The following CCDC171 variants were observed in gnomAD, a reference collection of about 807,000 sequenced individuals.
CCDC171 encodes coiled-coil domain-containing protein 171.
Under a neutral mutation model 168.2 loss-of-function variants are expected in CCDC171, and 177 were observed. That is an observed-to-expected ratio of 1.05 (90% CI 0.93 to 1.19). The LOEUF (loss-of-function observed/expected upper bound fraction) is 1.19, where lower values mean the gene tolerates loss of function less well. CCDC171 is among the 50% of genes most tolerant of loss of function. CCDC171 has a pLI of 0.00. For synonymous variants in CCDC171, 687 were observed against 540.8 expected (o/e 1.27, Z -3.75); for missense variants, 1,991 against 1,539.0 (o/e 1.29, Z -4.91).
At chr9:15,928,820 T>A (rs976314180) in intron 25 of CCDC171, among the ~76,000 whole-genome samples, 2 of 151,650 alleles carry the variant, frequency 1.3e-5, no homozygotes, top group Non-Finnish European at 3.0e-5. Flanking sequence ...ATTTCCAAAC[T>A]TTTAAAGGTT....
At chr9:15,981,201 T>C (rs892796663) in intron 3 of CCDC171, among the ~76,000 whole-genome samples, 21 of 152,240 alleles carry the variant, frequency 1.4e-4, no homozygotes, top group Admixed American at 4.6e-4. Flanking sequence ...TGTGATAATA[T>C]TTTGATATAG....
At chr9:15,892,034 G>C (rs1820282567) in intron 24 of CCDC171, among the ~76,000 whole-genome samples, 3 of 152,026 alleles carry the variant, frequency 2.0e-5, no homozygotes, top group African/African-American at 7.2e-5. Context: ...GCTTTTAAAA[G>C]GAAATAATCT....
At chr9:15,567,222 A>G (rs184528930) in intron 2 of CCDC171, among the ~76,000 whole-genome samples, 101 of 152,130 alleles carry the variant, frequency 6.6e-4, no homozygotes, top group African/African-American at 2.3e-3. Context: ...GGGTTTCACA[A>G]TCTTGGGCAG....
intron 20 of CCDC171, 99 bp downstream of exon 20, chr9:15,779,249 A>C (rs759783563): frequency 2.7e-4 from 173 of 641,976 alleles, no homozygotes; most frequent in Non-Finnish European, 3.6e-4. Context: ...TGGTTTTTCA[A>C]ATAATTCAAA....
At chr9:15,713,457 T>G (rs1296839621) in intron 11 of CCDC171, among the ~76,000 whole-genome samples, 1 of 152,154 alleles carries the variant, frequency 6.6e-6, no homozygotes, top group African/African-American at 2.4e-5. Context: ...ATTTGTGCCT[T>G]CGGGACTTTT....
intron 1 of CCDC171, among the ~76,000 whole-genome samples, chr9:16,052,180 C>T (rs763849468): frequency 6.6e-6 from 1 of 152,192 alleles, no homozygotes; most frequent in Non-Finnish European, 1.5e-5. Flanking sequence ...GTTGGAGCCT[C>T]TCCATCCTTC....
intron 6 of CCDC171, among the ~76,000 whole-genome samples, chr9:16,031,605 G>A (rs1421523407): frequency 1.3e-5 from 2 of 152,216 alleles, no homozygotes; most frequent in Non-Finnish European, 2.9e-5. Context: ...GGGCTTTAGG[G>A]AAATCGAATG....
chr9:15,938,969 T>G (rs567109957), intron 25 of CCDC171, among the ~76,000 whole-genome samples: 43 of 151,908 alleles, frequency 2.8e-4, no homozygotes, highest in African/African-American at 9.4e-4. Flanking sequence ...TGATATATCA[T>G]TTTGTGGTGA....
At chr9:15,692,732 T>C (rs1239223965) in intron 10 of CCDC171, among the ~76,000 whole-genome samples, 1 of 151,748 alleles carries the variant, frequency 6.6e-6, no homozygotes, top group Non-Finnish European at 1.5e-5. Context: ...TTTCACTGTG[T>C]TAGCCCGTAT....
intron 6 of CCDC171, among the ~76,000 whole-genome samples, chr9:15,598,091 A>G (rs2042520831): frequency 2.0e-5 from 3 of 152,026 alleles, no homozygotes; most frequent in Non-Finnish European, 4.4e-5. Flanking sequence ...GATCTTTTCA[A>G]AAAACCACCT....
intron 21 of CCDC171, among the ~76,000 whole-genome samples, chr9:15,842,179 A>G (rs1466584040): frequency 6.6e-6 from 1 of 151,984 alleles, no homozygotes; most frequent in Non-Finnish European, 1.5e-5. Context: ...ATAAGCCATT[A>G]GCTTTTAGTG....
At chr9:15,932,715 C>A (rs1296312411) in intron 25 of CCDC171, among the ~76,000 whole-genome samples, 1 of 151,794 alleles carries the variant, frequency 6.6e-6, no homozygotes, top group African/African-American at 2.4e-5. Context: ...CGTCTTCTCC[C>A]CATGCAATAT....
At chr9:15,602,493 A>C (rs1323859645) in intron 6 of CCDC171, among the ~76,000 whole-genome samples, 2 of 151,858 alleles carry the variant, frequency 1.3e-5, no homozygotes, top group Non-Finnish European at 2.9e-5. Context: ...AGAAAATCTC[A>C]ATTTTATGCC....
chr9:15,854,060 G>T (rs1158024039), intron 23 of CCDC171, among the ~76,000 whole-genome samples: 3 of 147,634 alleles, frequency 2.0e-5, no homozygotes, highest in African/African-American at 5.0e-5. Context: ...ATATTGGTCT[G>T]TAGTTTTCTT....
chr9:15,976,947 A>G (rs1831637160), downstream of CCDC171, among the ~76,000 whole-genome samples: 1 of 152,166 alleles, frequency 6.6e-6, no homozygotes, highest in African/African-American at 2.4e-5. Context: ...AATATTGAAG[A>G]TTTAAACCTA....
intron 24 of CCDC171, among the ~76,000 whole-genome samples, chr9:15,906,879 A>G (rs10810472): frequency 0.5 from 75,973 of 151,656 alleles, 20,244 homozygotes; most frequent in East Asian, 0.81. Context: ...TACACCAATA[A>G]CAGACAAGCA....
intron 23 of CCDC171, among the ~76,000 whole-genome samples, chr9:15,866,651 A>G (rs1351180341): frequency 6.6e-6 from 1 of 152,070 alleles, no homozygotes; most frequent in Non-Finnish European, 1.5e-5. Context: ...AGGGAAAGTC[A>G]GGGCTAAAGA....
At chr9:15,898,462 A>G (rs1821190610) in intron 24 of CCDC171, among the ~76,000 whole-genome samples, 1 of 152,162 alleles carries the variant, frequency 6.6e-6, no homozygotes, top group Non-Finnish European at 1.5e-5. Context: ...TCTCATGTTG[A>G]GTGTGATGAG....
In CCDC171 at chr9:15,784,690, T is replaced by A. The variant is rs1304423626; in HGVS notation, c.3263T>A (p.Val1088Asp). The change falls in exon 21 of 26, where the codon GTT becomes GAT. Residue 1088 changes from valine to aspartate, a missense_variant. By Grantham distance (152) the Val-to-Asp change is radical. Coordinates refer to ENST00000380701, the MANE Select transcript of CCDC171 (RefSeq NM_173550.4). ...AAAAACCAAACTCTTGGAGAAGCTG[T>A]TAAGGTAAGAGAATAAAGGGATATT... Reference protein sequence around the residue: ...ADKNQTLGEAVKSLSEAKMEL... With the variant: ...ADKNQTLGEADKSLSEAKMEL... 1 of 1,610,224 alleles carries A rather than the reference T, an allele frequency of 6.2e-7. No individual in the cohort carries two copies. Among genetic ancestry groups the A allele is most frequent in the African/African-American group, 1.3e-5 (1 of 74,782 alleles).
Sources: gnomAD v4.1 joint callset for allele counts (sites outside exome capture counted in the v4.1 genomes callset) on GRCh38, gnomAD v4.1.1 for gene constraint, MANE v1.5 for transcripts, NCBI Gene and HGNC (gene_info 2026-07-23, HGNC 2026-07-21) for gene names.